Variants in SSR3 observed in about 807,000 individuals in gnomAD.
The protein encoded by SSR3 is signal sequence receptor subunit 3, also known as translocon-associated protein subunit gamma.
SSR3 carries 10 observed loss-of-function variants against 22.1 expected under a neutral mutation model. The ratio of observed to expected loss-of-function variants is 0.45; its 90% CI spans 0.28 to 0.77. SSR3 has a LOEUF of 0.77. Among genes scored for constraint, SSR3 ranks in the 30% least tolerant of loss-of-function variants. The pLI, the probability that SSR3 is intolerant of heterozygous loss-of-function variation, is 0.13. For missense variants in SSR3, 181 were observed against 220.5 expected, an observed-to-expected ratio of 0.82 and a Z score of 1.13; for synonymous variants, 104 against 82.5, an observed-to-expected ratio of 1.26 and a Z score of -1.42.
rs774162029 is a variant in SSR3, at chr3:156,553,622, T to C, written c.260+33A>G. 2.5e-6 allele frequency: 4 copies of C among 1,601,282 alleles called. No individual in the cohort carries two copies. The South Asian group carries it at 4.5e-5, about 18-fold the overall frequency. ...AGAAGACATATAAAAATATAACATGTAGTACGTACTTTCACTTGAAAAACA... is the reference window on the plus strand; with the variant it reads ...AGAAGACATATAAAAATATAACATGCAGTACGTACTTTCACTTGAAAAACA... On this transcript the variant is annotated intron_variant, in intron 2 of 4. Coordinates refer to ENST00000265044, the MANE Select transcript of SSR3 (RefSeq NM_007107.5).
intron 2 of SSR3, among the ~76,000 whole-genome samples, chr3:156,549,453 A>G (rs1719873704): frequency 6.6e-6 from 1 of 152,228 alleles, no homozygotes; most frequent in Non-Finnish European, 1.5e-5. Flanking sequence ...AGTGGAAATA[A>G]CAGCTGTAAT....
chr3:156,554,754 C>A, intron 1 of SSR3: 2 of 643,738 alleles, frequency 3.1e-6, no homozygotes, highest in Non-Finnish European at 5.2e-6. Context: ...AAGTGACCTC[C>A]CCGAGTGCTG....
Position 156,544,401 on chromosome 3 carries a change from G to A in SSR3, c.398C>T (p.Ala133Val). 1.9e-6 allele frequency: 3 copies of A among 1,591,142 alleles called. No individual in the cohort carries two copies. The highest frequency in any genetic ancestry group is 4.5e-5 in the East Asian group (2 of 43,992). The change falls in exon 4 of 5, where the codon GCT (alanine) becomes GTT (valine). Residue 133 changes from alanine to valine, a missense_variant. By Grantham distance (64) the Ala-to-Val change is moderately conservative. Coordinates refer to ENST00000265044, the MANE Select transcript of SSR3 (RefSeq NM_007107.5). ...GTTATAGAAGATGGAAAATGTTGTAGCTTCATAATCAGCAACTTCATTCTT... is the reference window on the plus strand; with the variant it reads ...GTTATAGAAGATGGAAAATGTTGTAACTTCATAATCAGCAACTTCATTCTT... Reference protein sequence around the residue: ...WKKNEVADYEATTFSIFYNNT... With the variant: ...WKKNEVADYEVTTFSIFYNNT...
At chr3:156,549,126 A>G (rs900497573) in intron 2 of SSR3, 123 bp from the exon 3 acceptor site, 2 of 1,038,218 alleles carry the variant, frequency 1.9e-6, no homozygotes, top group African/African-American at 3.2e-5. Flanking sequence ...ACATTTCAAG[A>G]AAAGAAGCTG....
chr3:156,548,862 G>A (rs1264890652), intron 3 of SSR3, 43 bp downstream of exon 3: 11 of 1,592,390 alleles, frequency 6.9e-6, no homozygotes, highest in East Asian at 2.2e-5. Context: ...TCTCTTCAAA[G>A]TACCCCCTTT....
At chr3:156,551,546 A>G (rs936209511) in intron 2 of SSR3, 3 of 152,164 alleles carry the variant, frequency 2.0e-5, no homozygotes, top group Admixed American at 2.0e-4. Context: ...AGATAACCCA[A>G]TTTATCTGCT....
chr3:156,551,963 G>A (rs568104646), intron 2 of SSR3, among the ~76,000 whole-genome samples: 64 of 152,262 alleles, frequency 4.2e-4, no homozygotes, highest in African/African-American at 1.5e-3. Context: ...CAGATGACTT[G>A]CATTCCAGGG....
chr3:156,541,712 C>A lies in SSR3; in HGVS notation c.*1491G>T, dbSNP rs997258443. The A allele has an allele frequency of 6.6e-6, 1 of 152,132 alleles. No individual in the cohort carries two copies. Among genetic ancestry groups the A allele is most frequent in the African/African-American group, 2.4e-5 (1 of 41,412 alleles). The allele number at this position is 152,132 out of a possible 1,614,324, so 9.4% of individuals were successfully genotyped here. ...CAGTGATATGTGACTTCTCTAGTCA[C>A]TCCACATTATCCAGTGATGGCACCT... is the stretch of plus-strand genomic sequence containing the variant. On this transcript the variant is annotated 3_prime_UTR_variant, in exon 5 of 5. Transcript: ENST00000265044.
At position 156,540,108 on chromosome 3, in the gene SSR3, T is replaced by G. The variant is rs1488246376; in HGVS notation, c.*3095A>C. 1 of 152,218 alleles carries G rather than the reference T, an allele frequency of 6.6e-6. No individual in the cohort carries two copies. Among genetic ancestry groups the G allele is most frequent in the Non-Finnish European group, 1.5e-5 (1 of 68,044 alleles). 9.4% of individuals were successfully genotyped at this position (152,218 alleles called of 1,614,324 possible). ...ATAATAAAGATTACGTACTTCATCA[T>G]AGGATTCTTATAAAGAAGTGTAGGG... On this transcript the variant is annotated 3_prime_UTR_variant, in exon 5 of 5. Transcript: ENST00000265044.
Position 156,553,639 on chromosome 3 carries a change from T to G in SSR3, c.260+16A>C. On this transcript the variant is annotated intron_variant, in intron 2 of 4. Transcript: ENST00000265044. ...ATAACATGTAGTACGTACTTTCACT[T>G]GAAAAACATACTTACTTGTGCTTGA... 1 of 1,608,026 alleles carries G rather than the reference T, an allele frequency of 6.2e-7. No homozygotes were observed. The highest frequency in any genetic ancestry group is 8.5e-7 in the Non-Finnish European group (1 of 1,178,706).
At position 156,540,679 on chromosome 3, in the gene SSR3, G is replaced by A. The variant is rs1719436508; in HGVS notation, c.*2524C>T. 1 of 151,146 alleles carries A rather than the reference G, an allele frequency of 6.6e-6. No homozygotes were observed. The highest frequency in any genetic ancestry group is 2.1e-4 in the South Asian group (1 of 4,802). 9.4% of individuals were successfully genotyped at this position (151,146 alleles called of 1,614,324 possible). On this transcript the variant is annotated 3_prime_UTR_variant, in exon 5 of 5. Coordinates refer to ENST00000265044, the MANE Select transcript of SSR3 (RefSeq NM_007107.5). ...GTTAAAATGAAGGAACTAAAAATAG[G>A]TAAATGAAAATGTTATAACACTTTA...
At position 156,543,103 on chromosome 3, in the gene SSR3, A is replaced by G; in HGVS notation, c.*100T>C. 4.0e-6 allele frequency: 4 copies of G among 997,702 alleles called. No individual in the cohort carries two copies. Among genetic ancestry groups the G allele is most frequent in the Non-Finnish European group, 6.1e-6 (4 of 656,410 alleles). 61.8% of individuals were successfully genotyped at this position (997,702 alleles called of 1,614,324 possible). A position where few individuals can be genotyped will look rare whatever the true frequency, so the allele number is the denominator to read the frequency against. Reference sequence around the variant, plus strand: ...CTGGGTTTTTTAAAGGCTCTAGACTATAAAAACATCTTGTGTCTCCCACCC... The same window carrying G: ...CTGGGTTTTTTAAAGGCTCTAGACTGTAAAAACATCTTGTGTCTCCCACCC... On this transcript the variant is annotated 3_prime_UTR_variant, in exon 5 of 5. Coordinates refer to ENST00000265044, the MANE Select transcript of SSR3 (RefSeq NM_007107.5).
In SSR3 at chr3:156,550,874, C is replaced by T. The variant is rs570335791; in HGVS notation, c.261-1871G>A. ...ATGTATGATCATAATGAATCCTCAC[C>T]ACCCTCTGAAATTCCACTAGCATCC... On this transcript the variant is annotated intron_variant, in intron 2 of 4. Transcript: ENST00000265044. Among the ~76,000 whole-genome samples, 120 of 152,074 alleles carry T rather than the reference C, an allele frequency of 7.9e-4. 1 individual carries two copies. Among genetic ancestry groups the T allele is most frequent in the African/African-American group, 2.8e-3 (117 of 41,466 alleles).
At position 156,540,669 on chromosome 3, in the gene SSR3, C is replaced by T. The variant is rs1576995558; in HGVS notation, c.*2534G>A. ...TTTTTATTAAGTTAAAATGAAGGAA[C>T]TAAAAATAGGTAAATGAAAATGTTA... On this transcript the variant is annotated 3_prime_UTR_variant, in exon 5 of 5. Coordinates refer to ENST00000265044, the MANE Select transcript of SSR3 (RefSeq NM_007107.5). 1 of 139,428 alleles carries T rather than the reference C, an allele frequency of 7.2e-6. No individual in the cohort carries two copies. The highest frequency in any genetic ancestry group is 1.6e-5 in the Non-Finnish European group (1 of 63,818). The allele number at this position is 139,428 out of a possible 1,614,324, so 8.6% of individuals were successfully genotyped here. A position where few individuals can be genotyped will look rare whatever the true frequency, so the allele number is the denominator to read the frequency against.
intron 3 of SSR3, among the ~76,000 whole-genome samples, chr3:156,546,927 G>T (rs1719787105): frequency 6.6e-6 from 1 of 152,136 alleles, no homozygotes; most frequent in South Asian, 2.1e-4. Flanking sequence ...TGTAGACAGA[G>T]CTTTGAGAGA....
chr3:156,542,424 T>A lies in SSR3; in HGVS notation c.*779A>T, dbSNP rs1419588504. On this transcript the variant is annotated 3_prime_UTR_variant, in exon 5 of 5. Coordinates refer to ENST00000265044, the MANE Select transcript of SSR3 (RefSeq NM_007107.5). The stretch of plus-strand genomic sequence containing the variant: ...GGTTCTTTCTCTTACTTAACATTCC[T>A]CCAGGGTGTGAGACCCTGGTCAAGG... The A allele has an allele frequency of 2.0e-5, 3 of 152,216 alleles. No homozygotes were observed. Among genetic ancestry groups the A allele is most frequent in the Non-Finnish European group, 4.4e-5 (3 of 68,028 alleles). 9.4% of individuals were successfully genotyped at this position (152,216 alleles called of 1,614,324 possible).
rs1024643234 is a variant in SSR3 at position 156,540,853 on chromosome 3, ATC to A, written c.*2348_*2349del. The A allele has an allele frequency of 1.1e-4, 17 of 152,198 alleles. No individual in the cohort carries two copies. The highest frequency in any genetic ancestry group is 1.3e-4 in the Admixed American group (2 of 15,280). 9.4% of individuals were successfully genotyped at this position (152,198 alleles called of 1,614,324 possible). On this transcript the variant is annotated 3_prime_UTR_variant, in exon 5 of 5. Transcript: ENST00000265044. ...TACTAAGTCAGATTGAGTAGGTCGC[ATC>A]TCTGTGTGCCACACAGAACTTTTAG...
At chr3:156,545,082 C>A (rs915562416) in intron 3 of SSR3, among the ~76,000 whole-genome samples, 1 of 152,122 alleles carries the variant, frequency 6.6e-6, no homozygotes, top group African/African-American at 2.4e-5. Context: ...TTTTCTTTTA[C>A]CCCTTCACAC....
chr3:156,555,044 G>A lies in SSR3; in HGVS notation c.46C>T (p.Leu16Phe), dbSNP rs1481472320. ...AGATTGCGGCTGAAATCCTGCAGGAGCAGGTCCTCCTCAGACTGCTGTTTG... is the reference window on the plus strand; with the variant it reads ...AGATTGCGGCTGAAATCCTGCAGGAACAGGTCCTCCTCAGACTGCTGTTTG... ...SSKQQSEEDL[L>F]LQDFSRNLSA... Residue 16 changes from leucine to phenylalanine, a missense_variant, in exon 1 of 5, where the codon CTC becomes TTC. Transcript: ENST00000265044. 1 of 1,614,052 alleles carries A rather than the reference G, an allele frequency of 6.2e-7. No individual in the cohort carries two copies. Among genetic ancestry groups the A allele is most frequent in the East Asian group, 2.2e-5 (1 of 44,882 alleles).
Sources: allele counts gnomAD v4.1 joint callset (sites outside exome capture counted in the v4.1 genomes callset), GRCh38; gene constraint gnomAD v4.1.1; transcripts MANE v1.5; gene names NCBI Gene and HGNC (gene_info 2026-07-23, HGNC 2026-07-21).